TTLL11: variants seen among roughly 807,000 people sequenced by gnomAD.
The protein encoded by TTLL11 is tubulin polyglutamylase TTLL11.
In TTLL11, 42 loss-of-function variants were observed where a neutral mutation model predicts 51.7. That is an observed-to-expected ratio of 0.81 (90% confidence interval 0.64 to 1.05). TTLL11 has a LOEUF of 1.05. TTLL11 is among the 50% of genes least tolerant of loss of function. The pLI, the probability that TTLL11 is intolerant of heterozygous loss-of-function variation, is 0.00. For synonymous variants in TTLL11, 381 were observed against 383.5 expected (o/e 0.99, Z 0.08); for missense variants, 799 against 940.4 (o/e 0.85, Z 1.97).
intron 4 of TTLL11, among the ~76,000 whole-genome samples, chr9:121,983,085 G>A (rs1423834697): frequency 6.6e-6 from 1 of 152,222 alleles, no homozygotes; most frequent in Non-Finnish European, 1.5e-5. Context: ...GACTGGGATG[G>A]CAACAGTGGA....
intron 8 of TTLL11, among the ~76,000 whole-genome samples, chr9:121,835,016 C>G (rs1837145836): frequency 6.6e-6 from 1 of 152,122 alleles, no homozygotes; most frequent in South Asian, 2.1e-4. Flanking sequence ...GTTAAGGGGC[C>G]TGGGATCTCC....
chr9:121,989,447 A>G lies in TTLL11; in HGVS notation c.1017T>C (p.Phe339=). Reference sequence around the variant, plus strand: ...TCAGTGAATAGTTGGTTAAGTGCATAAAGATGCGGTGCAGGTTTTTGGGGG... The same window carrying G: ...TCAGTGAATAGTTGGTTAAGTGCATGAAGATGCGGTGCAGGTTTTTGGGGG... The part of the protein sequence containing the change: ...EPTPKNLHRI[F]MHLTNYSLNI... The change falls in exon 4 of 9, where the codon TTT becomes TTC. Residue 339 remains phenylalanine, a synonymous_variant. Coordinates refer to ENST00000321582, the MANE Select transcript of TTLL11 (RefSeq NM_001139442.2). This position sits in a 1 kb window ranked among gnomAD's most constrained non-coding sequence, Gnocchi z 4.2. The G allele has an allele frequency of 1.2e-6, 2 of 1,614,166 alleles. No individual in the cohort carries two copies. Among genetic ancestry groups the G allele is most frequent in the East Asian group, 2.2e-5 (1 of 44,876 alleles).
chr9:121,851,951 T>C (rs1266891284), intron 8 of TTLL11, among the ~76,000 whole-genome samples: 1 of 152,088 alleles, frequency 6.6e-6, no homozygotes, highest in Non-Finnish European at 1.5e-5. Flanking sequence ...TCTGCCCAAT[T>C]CTCAGGCCTG....
At chr9:121,965,434 A>G (rs1016397548) in intron 6 of TTLL11, among the ~76,000 whole-genome samples, 10 of 152,332 alleles carry the variant, frequency 6.6e-5, no homozygotes, top group Admixed American at 5.9e-4. Context: ...GTTTTAAACC[A>G]TCACATCTCA....
intron 3 of TTLL11, among the ~76,000 whole-genome samples, chr9:121,993,600 C>T (rs770242550): frequency 3.3e-5 from 5 of 152,226 alleles, no homozygotes; most frequent in South Asian, 4.1e-4. Context: ...GCATTCATCA[C>T]GTCGGAGAGT....
At chr9:121,913,347 A>C (rs751535879) in intron 6 of TTLL11, among the ~76,000 whole-genome samples, 3 of 152,188 alleles carry the variant, frequency 2.0e-5, no homozygotes, top group Non-Finnish European at 4.4e-5. Flanking sequence ...TCCATTGGCA[A>C]AAAGAAGACC....
chr9:121,815,721 T>C lies in TTLL11; in HGVS notation c.*6866A>G, dbSNP rs1384094932. On this transcript the variant is annotated 3_prime_UTR_variant, in exon 9 of 9. Coordinates refer to ENST00000321582, the MANE Select transcript of TTLL11 (RefSeq NM_001139442.2). ...TTTAGCAACACTCAGCTTCGTTTTA[T>C]TATTGCGTTTTATGAAGTTGCCAAG... The C allele has an allele frequency of 6.6e-6, 1 of 152,224 alleles. No homozygotes were observed. Among genetic ancestry groups the C allele is most frequent in the Non-Finnish European group, 1.5e-5 (1 of 68,042 alleles). The allele number at this position is 152,224 out of a possible 1,614,324, so 9.4% of individuals were successfully genotyped here.
intron 6 of TTLL11, among the ~76,000 whole-genome samples, chr9:121,928,490 C>T (rs1840830454): frequency 6.7e-6 from 1 of 148,520 alleles, no homozygotes; most frequent in Non-Finnish European, 1.5e-5. Context: ...TGCTAGGCTG[C>T]AGTGCAGTGG....
Position 121,989,319 on chromosome 9 carries a change from A to C in TTLL11, c.1145T>G (p.Ile382Ser), listed in dbSNP as rs771316462. The C allele has an allele frequency of 6.2e-6, 10 of 1,614,092 alleles. No individual in the cohort carries two copies. Among genetic ancestry groups the C allele is most frequent in the Non-Finnish European group, 8.5e-6 (10 of 1,180,056 alleles). The change falls in exon 4 of 9, where the codon ATC becomes AGC. Residue 382 changes from isoleucine (I) to serine (S), a missense_variant. Around this residue, in one of 3 missense-constraint regions of TTLL11, gnomAD observed 468 missense variants for 612.8 expected, o/e 0.76. Transcript: ENST00000321582. This position sits in a 1 kb window ranked among gnomAD's most constrained non-coding sequence, Gnocchi z 4.2. ...GATGATGTCAGACCAGACCTTCTTG[A>C]TGTCAACGCCTTTGGAAGACAGTCT... is the stretch of plus-strand genomic sequence containing the variant. Reference protein sequence around the residue: ...LCRLSSKGVDIKKVWSDIISV... With the variant: ...LCRLSSKGVDSKKVWSDIISV...
At chr9:122,015,027 G>C (rs746464201) in intron 3 of TTLL11, among the ~76,000 whole-genome samples, 8 of 152,156 alleles carry the variant, frequency 5.3e-5, no homozygotes, top group Non-Finnish European at 1.0e-4. Context: ...AAGTACCTGT[G>C]ATTCTGATCC....
chr9:122,083,627 T>C (rs1375628473), intron 1 of TTLL11, among the ~76,000 whole-genome samples: 1 of 152,058 alleles, frequency 6.6e-6, no homozygotes, highest in African/African-American at 2.4e-5. Flanking sequence ...CTGGCTAACA[T>C]GGTGAAACCC....
intron 8 of TTLL11, among the ~76,000 whole-genome samples, chr9:121,830,208 C>A (rs1373964988): frequency 6.6e-6 from 1 of 152,222 alleles, no homozygotes; most frequent in Non-Finnish European, 1.5e-5. Flanking sequence ...CCCATGGAAA[C>A]CCTTCTCTTA....
At chr9:121,947,483 T>C (rs1465064111) in intron 6 of TTLL11, among the ~76,000 whole-genome samples, 1 of 152,218 alleles carries the variant, frequency 6.6e-6, no homozygotes, top group Non-Finnish European at 1.5e-5. Context: ...GCGAAAAATA[T>C]ACACCTGTAA....
chr9:121,922,387 A>C (rs1840576617), intron 6 of TTLL11, among the ~76,000 whole-genome samples: 1 of 152,090 alleles, frequency 6.6e-6, no homozygotes, highest in Non-Finnish European at 1.5e-5. Context: ...TTAATGTTGC[A>C]TTTCTCATTA....
chr9:121,894,740 G>A (rs899330974), intron 6 of TTLL11, among the ~76,000 whole-genome samples: 12 of 152,172 alleles, frequency 7.9e-5, no homozygotes, highest in Non-Finnish European at 1.5e-4. Context: ...CACACACCAG[G>A]GCCTGTCGGG....
intron 3 of TTLL11, among the ~76,000 whole-genome samples, chr9:122,007,668 G>C (rs1227207591): frequency 6.6e-6 from 1 of 152,104 alleles, no homozygotes; most frequent in Non-Finnish European, 1.5e-5. Context: ...AGAAGGCAAA[G>C]CTCTCCCTTT....
In TTLL11 at chr9:121,900,596, A is replaced by G. The variant is rs147447382; in HGVS notation, c.1482-29848T>C. Among the ~76,000 whole-genome samples, 253 of 152,064 alleles carry G rather than the reference A, an allele frequency of 1.7e-3. 2 individuals carry two copies. The highest frequency in any genetic ancestry group is 5.9e-3 in the African/African-American group (244 of 41,484). On this transcript the variant is annotated intron_variant, in intron 6 of 8. Coordinates refer to ENST00000321582, the MANE Select transcript of TTLL11 (RefSeq NM_001139442.2). Reference sequence around the variant, plus strand: ...ATCAACTCTCTACCTTCTTTCTATTATCTCCTTCTGGAACTCCCATTGGAT... The same window carrying G: ...ATCAACTCTCTACCTTCTTTCTATTGTCTCCTTCTGGAACTCCCATTGGAT...
rs552300022 is a variant in TTLL11, at chr9:122,030,207, G to C, written c.693+1516C>G. Among the ~76,000 whole-genome samples, 322 of 146,770 alleles carry C rather than the reference G, an allele frequency of 2.2e-3. 20 individuals carry two copies. The highest frequency in any genetic ancestry group is 6.9e-3 in the Middle Eastern group (2 of 290). On this transcript the variant is annotated intron_variant, in intron 3 of 8. Coordinates refer to ENST00000321582, the MANE Select transcript of TTLL11 (RefSeq NM_001139442.2). ...GAGCCACAGAAGAGAGACATTGGGG[G>C]GGGGGGGGTAATTATGAGGAACAGC...
intron 1 of TTLL11, among the ~76,000 whole-genome samples, chr9:122,078,135 A>G (rs1368433646): frequency 1.3e-5 from 2 of 152,224 alleles, no homozygotes; most frequent in Non-Finnish European, 2.9e-5. Context: ...TTAGCAAAGC[A>G]GCCAACTTAA....
Sources: allele counts gnomAD v4.1 joint callset (sites outside exome capture counted in the v4.1 genomes callset), GRCh38; gene constraint gnomAD v4.1.1; regional missense constraint gnomAD v4.1.1; non-coding constraint Gnocchi (gnomAD v3.1); transcripts MANE v1.5; gene names NCBI Gene and HGNC (gene_info 2026-07-23, HGNC 2026-07-21).